Variants in ASPM observed in about 807,000 individuals in gnomAD.
ASPM encodes abnormal spindle-like microcephaly-associated protein.
Under a neutral mutation model 366.4 loss-of-function variants are expected in ASPM, and 256 were observed. The ratio of observed to expected loss-of-function variants is 0.70; its 90% CI spans 0.63 to 0.77. The LOEUF is 0.77. Ranked by LOEUF, ASPM falls within the 30% of genes least tolerant of loss-of-function variation. The probability of loss-of-function intolerance (pLI) is 0.00; values close to 1 mark genes in which losing one functional copy is unlikely to be tolerated. For synonymous variants in ASPM, 1,414 were observed against 1,342.9 expected, an observed-to-expected ratio of 1.05 and a Z score of -1.16; for missense variants, 4,146 against 4,090.4, an observed-to-expected ratio of 1.01 and a Z score of -0.37.
intron 12 of ASPM, among the ~76,000 whole-genome samples, chr1:197,124,633 C>T (rs577765098): frequency 4.0e-5 from 6 of 151,798 alleles, no homozygotes; most frequent in African/African-American, 1.4e-4. Context: ...TCAGTTTCCT[C>T]ATCTGAGAGG....
chr1:197,103,432 T>C lies in ASPM; in HGVS notation c.5819A>G (p.Gln1940Arg), dbSNP rs1468193983. Residue 1940 changes from glutamine (Q) to arginine (R), a missense_variant, in exon 18 of 28, where the codon CAA becomes CGA. This residue lies in a region of ASPM where 3,624 missense variants were observed against 3,591.7 expected (regional missense o/e 1.01). Coordinates refer to ENST00000367409, the MANE Select transcript of ASPM (RefSeq NM_018136.5). ...NFRAWTAGRK[Q>R]CMEYIELRHA... ...ACGGAGTTCAATATACTCCATACAT[T>C]GCTTCCTTCCTGCAGTCCATGCTCT... 6.2e-7 allele frequency: 1 copy of C among 1,613,350 alleles called. No individual in the cohort carries two copies. The highest frequency in any genetic ancestry group is 8.5e-7 in the Non-Finnish European group (1 of 1,179,546).
rs995194038 is a variant in ASPM at position 197,091,889 on chromosome 1, T to C, written c.9444+18A>G. On this transcript the variant is annotated intron_variant, in intron 22 of 27. Coordinates refer to ENST00000367409, the MANE Select transcript of ASPM (RefSeq NM_018136.5). Reference sequence around the variant, plus strand: ...GAAAAATTATATCATATAGTTTTACTGCAAAGAAGAAGCAAACCTGAATAC... The same window carrying C: ...GAAAAATTATATCATATAGTTTTACCGCAAAGAAGAAGCAAACCTGAATAC... 21 of 1,607,292 alleles carry C rather than the reference T, an allele frequency of 1.3e-5. No individual in the cohort carries two copies. The African/African-American group carries it at 1.9e-4, about 14-fold the overall frequency.
rs1571627648 is a variant in ASPM at position 197,139,752 on chromosome 1, A to G, written c.2026+15T>C. On this transcript the variant is annotated intron_variant, in intron 4 of 27. Transcript: ENST00000367409. ...TGTCATGTTTTCAGAGAGTTTAAGT[A>G]TAATAAATACTTGCCTGTTTTTAAT... The G allele has an allele frequency of 2.0e-6, 3 of 1,535,708 alleles. No individual in the cohort carries two copies. Among genetic ancestry groups the G allele is most frequent in the East Asian group, 4.5e-5 (2 of 44,350 alleles).
At position 197,093,159 on chromosome 1, in the gene ASPM, T is replaced by C. The variant is rs1406859691; in HGVS notation, c.9187A>G (p.Ile3063Val). ...TGCTTTCCAGCCTCCCTGGCTCGTA[T>C]ATATTTTTGTATGATCAAAGCAGCA... is the stretch of plus-strand genomic sequence containing the variant. ...KSAALIIQKY[I>V]RAREAGKHER... The change falls in exon 21 of 28, where the codon ATA becomes GTA. Residue 3063 changes from isoleucine (I) to valine (V), a missense_variant. By Grantham distance (29) the Ile-to-Val change is conservative (BLOSUM62 3). Coordinates refer to ENST00000367409, the MANE Select transcript of ASPM (RefSeq NM_018136.5). 3 of 1,612,354 alleles carry C rather than the reference T, an allele frequency of 1.9e-6. No homozygotes were observed. The highest frequency in any genetic ancestry group is 2.5e-6 in the Non-Finnish European group (3 of 1,178,874).
intron 4 of ASPM, among the ~76,000 whole-genome samples, chr1:197,138,229 G>A (rs867776052): frequency 7.9e-5 from 12 of 152,086 alleles, no homozygotes; most frequent in African/African-American, 2.7e-4. Flanking sequence ...TGTCATCTTC[G>A]TGTTAGTCTA....
chr1:197,088,463 GT>G, intron 25 of ASPM, 31 bp from the exon 26 acceptor site: 1 of 1,552,328 alleles, frequency 6.4e-7, no homozygotes, highest in Non-Finnish European at 8.8e-7. Context: ...ATTAAAAGTT[GT>G]AATAAACACA....
chr1:197,127,009 C>T (rs922697327), intron 10 of ASPM, among the ~76,000 whole-genome samples: 6 of 152,226 alleles, frequency 3.9e-5, no homozygotes, highest in African/African-American at 1.4e-4. Flanking sequence ...TTTTGCTTGG[C>T]AATAAACAAT....
chr1:197,142,900 A>G lies in ASPM; in HGVS notation c.1352T>C (p.Phe451Ser). 2.0e-5 allele frequency: 32 copies of G among 1,613,822 alleles called. No individual in the cohort carries two copies. Among genetic ancestry groups the G allele is most frequent in the Non-Finnish European group, 2.7e-5 (32 of 1,179,732 alleles). Reference protein sequence around the residue: ...CQGSKSPKAIFEELVEMKSNY... With the variant: ...CQGSKSPKAISEELVEMKSNY... ...TGACTTCATTTCTACTAGTTCTTCA[A>G]AAATAGCTTTGGGAGATTTTGAACC... The change falls in exon 3 of 28, where the codon TTT becomes TCT. Residue 451 changes from phenylalanine to serine, a missense_variant. Phe to Ser is a radical substitution (Grantham distance 155). Coordinates refer to ENST00000367409, the MANE Select transcript of ASPM (RefSeq NM_018136.5).
chr1:197,111,308 C>T (rs532133107), intron 17 of ASPM, among the ~76,000 whole-genome samples: 1 of 152,006 alleles, frequency 6.6e-6, no homozygotes, highest in South Asian at 2.1e-4. Flanking sequence ...GACACACATG[C>T]GGCCAAGAAA....
chr1:197,139,120 T>C, intron 4 of ASPM: 3 of 799,046 alleles, frequency 3.8e-6, no homozygotes, highest in Admixed American at 3.6e-5. Flanking sequence ...TTCATAGTGC[T>C]GAGTGTAGGT....
rs1306791480 is a variant in ASPM at position 197,084,421 on chromosome 1, T to A, written c.10337A>T (p.Lys3446Met). Residue 3446 changes from lysine to methionine, a missense_variant, in exon 28 of 28, where the codon AAG becomes ATG. By Grantham distance (95) the Lys-to-Met change is moderately conservative (BLOSUM62 -1). Transcript: ENST00000367409. ...ATCTCTTCTCAAAACCCAATCTGGC[T>A]TAAGTCTGTTAAAAAAAAAAAAAAA... Reference protein sequence around the residue: ...PVRTRIVSRLKPDWVLRRDNM... With the variant: ...PVRTRIVSRLMPDWVLRRDNM... 1 of 1,594,202 alleles carries A rather than the reference T, an allele frequency of 6.3e-7. No individual in the cohort carries two copies.
At position 197,116,680 on chromosome 1, in the gene ASPM, G is replaced by A. The variant is rs1412641; in HGVS notation, c.4065+1109C>T. 4.3e-3 allele frequency among the ~76,000 whole-genome samples: 654 copies of A among 152,038 alleles called. 5 individuals carry two copies. The highest frequency in any genetic ancestry group is 0.015 in the African/African-American group (637 of 41,470). On this transcript the variant is annotated intron_variant, in intron 17 of 27. Transcript: ENST00000367409. Reference sequence around the variant, plus strand: ...CCTTTAATCATAATAGCTCAAAACTGGAAAGCCAAATGTTCATCAAAAATA... The same window carrying A: ...CCTTTAATCATAATAGCTCAAAACTAGAAAGCCAAATGTTCATCAAAAATA...
At chr1:197,132,452 G>T in intron 6 of ASPM, 100 bp from the exon 7 acceptor site, 1 of 896,426 alleles carries the variant, frequency 1.1e-6, no homozygotes, top group Non-Finnish European at 1.8e-6. Context: ...AAAAATACTT[G>T]CTTATATGAA....
At chr1:197,109,623 G>A (rs1657526083) in intron 17 of ASPM, among the ~76,000 whole-genome samples, 1 of 151,796 alleles carries the variant, frequency 6.6e-6, no homozygotes, top group South Asian at 2.1e-4. Context: ...AAAATAAGTG[G>A]GGGAAATAAA....
intron 22 of ASPM, among the ~76,000 whole-genome samples, 190 bp from the exon 23 acceptor site, chr1:197,091,231 TG>T (rs1656778594): frequency 7.5e-5 from 1 of 13,422 alleles, no homozygotes; most frequent in Non-Finnish European, 1.7e-3. Flanking sequence ...TGGGTGCCTG[TG>T]TGTGTGTGTG....
intron 5 of ASPM, among the ~76,000 whole-genome samples, chr1:197,134,128 T>C (rs899901017): frequency 2.0e-5 from 3 of 151,974 alleles, no homozygotes; most frequent in Non-Finnish European, 4.4e-5. Context: ...CCAGGTACAA[T>C]TGCTCACACC....
chr1:197,092,107 C>A lies in ASPM; in HGVS notation c.9295-51G>T, dbSNP rs923049525. On this transcript the variant is annotated intron_variant, in intron 21 of 27. Coordinates refer to ENST00000367409, the MANE Select transcript of ASPM (RefSeq NM_018136.5). ...TCAAGTATCTGCCTCCTAAGTTAAT[C>A]AATGAGTGTTTTTTTTTGTATAACC... is the stretch of plus-strand genomic sequence containing the variant. 6 of 1,584,758 alleles carry A rather than the reference C, an allele frequency of 3.8e-6. No homozygotes were observed. The African/African-American group carries it at 5.4e-5, about 14-fold the overall frequency.
Position 197,103,094 on chromosome 1 carries a change from T to C in ASPM, c.6157A>G (p.Lys2053Glu), listed in dbSNP as rs773097669. The change falls in exon 18 of 28, where the codon AAA becomes GAA. Residue 2053 changes from lysine (K) to glutamate (E), a missense_variant. Coordinates refer to ENST00000367409, the MANE Select transcript of ASPM (RefSeq NM_018136.5). ...CNKAAVTIQS[K>E]YRAYKTKKKY... ...TTTTTGGTTTTGTAAGCTCTGTATT[T>C]AGACTGTATAGTGACTGCTGCTTTG... 60 of 1,612,700 alleles carry C rather than the reference T, an allele frequency of 3.7e-5. No individual in the cohort carries two copies. The highest frequency in any genetic ancestry group is 4.7e-5 in the Non-Finnish European group (55 of 1,179,372).
chr1:197,120,487 G>A (rs1657875261), intron 16 of ASPM, among the ~76,000 whole-genome samples: 3 of 152,068 alleles, frequency 2.0e-5, no homozygotes, highest in South Asian at 2.1e-4. Context: ...CCAAGATCGT[G>A]CTATTGCACT....
Sources: gnomAD v4.1 joint callset for allele counts (sites outside exome capture counted in the v4.1 genomes callset) on GRCh38, gnomAD v4.1.1 for gene constraint, gnomAD v4.1.1 regional missense constraint, MANE v1.5 for transcripts, NCBI Gene and HGNC (gene_info 2026-07-23, HGNC 2026-07-21) for gene names.